Variants in PTPRD observed in about 807,000 individuals in gnomAD.
The protein encoded by PTPRD is protein tyrosine phosphatase receptor type D, also known as receptor-type tyrosine-protein phosphatase delta.
PTPRD carries 34 observed loss-of-function variants against 214.5 expected under a neutral mutation model. That is an observed-to-expected ratio of 0.16 (90% CI 0.12 to 0.21). The LOEUF (loss-of-function observed/expected upper bound fraction) is 0.21, where lower values mean the gene tolerates loss of function less well. Among genes scored for constraint, PTPRD ranks in the 10% least tolerant of loss-of-function variants. The pLI is 1.00. For missense variants in PTPRD, 2,545 were observed against 2,398.7 expected, an observed-to-expected ratio of 1.06 and a Z score of -1.27; for synonymous variants, 1,128 against 845.7, an observed-to-expected ratio of 1.33 and a Z score of -5.79.
intron 2 of PTPRD, among the ~76,000 whole-genome samples, chr9:10,523,601 G>GTATGTATATATATATATATATATATA (rs2053139062): frequency 1.6e-5 from 1 of 64,352 alleles, no homozygotes; most frequent in Non-Finnish European, 3.2e-5. Flanking sequence ...ATATTTATCT[G>GTATGTATATATATATATATATATATA]TATATATATA....
intron 39 of PTPRD, among the ~76,000 whole-genome samples, chr9:8,372,680 T>A (rs1449451474): frequency 1.3e-5 from 2 of 152,038 alleles, no homozygotes; most frequent in African/African-American, 4.8e-5. Context: ...TCTGGTAGAC[T>A]CTGTCCTCCT....
chr9:8,652,004 G>C (rs1390808985), intron 12 of PTPRD, among the ~76,000 whole-genome samples: 4 of 152,136 alleles, frequency 2.6e-5, no homozygotes, highest in Non-Finnish European at 4.4e-5. Context: ...CGCTTTTCTA[G>C]AGAAACACAT....
chr9:8,620,916 A>C (rs1228881675), intron 14 of PTPRD, among the ~76,000 whole-genome samples: 1 of 152,040 alleles, frequency 6.6e-6, no homozygotes. Flanking sequence ...AGTACAATGC[A>C]GTTCTTAGAT....
chr9:10,511,852 CTGTG>C (rs201439443), intron 2 of PTPRD, among the ~76,000 whole-genome samples: 2,277 of 107,126 alleles, frequency 0.021, 42 homozygotes, highest in African/African-American at 0.049. Flanking sequence ...ATATACATAT[CTGTG>C]TGTGTGTGTG....
chr9:10,471,853 A>G (rs1269968825), intron 2 of PTPRD, among the ~76,000 whole-genome samples: 3 of 152,070 alleles, frequency 2.0e-5, no homozygotes, highest in Non-Finnish European at 4.4e-5. Context: ...TTATACCTAG[A>G]CCATAATTAT....
chr9:9,272,927 T>C (rs2132938284), intron 9 of PTPRD, among the ~76,000 whole-genome samples: 1 of 151,414 alleles, frequency 6.6e-6, no homozygotes, highest in Non-Finnish European at 1.5e-5. Context: ...CTTGAGGTAA[T>C]TTATAGTTTC....
At chr9:10,214,030 T>G (rs907725412) in intron 3 of PTPRD, among the ~76,000 whole-genome samples, 2 of 152,080 alleles carry the variant, frequency 1.3e-5, no homozygotes, top group Non-Finnish European at 2.9e-5. Context: ...TAAAGGCATA[T>G]CTTCATCAAA....
chr9:8,337,734 G>A (rs1266433190), intron 43 of PTPRD, among the ~76,000 whole-genome samples: 4 of 151,996 alleles, frequency 2.6e-5, no homozygotes, highest in Non-Finnish European at 5.9e-5. Flanking sequence ...AGTTGTGCAT[G>A]TGTGGAATAG....
At chr9:8,513,247 C>T (rs570534347) in intron 21 of PTPRD, among the ~76,000 whole-genome samples, 51 of 152,128 alleles carry the variant, frequency 3.4e-4, no homozygotes, top group African/African-American at 1.2e-3. Context: ...CTAATGTTCA[C>T]AATCAAGGAG....
At chr9:9,900,538 G>C (rs539052744) in intron 5 of PTPRD, among the ~76,000 whole-genome samples, 1 of 152,138 alleles carries the variant, frequency 6.6e-6, no homozygotes, top group East Asian at 1.9e-4. Flanking sequence ...AAGTCTCTAA[G>C]AAGTTCTAAA....
intron 39 of PTPRD, among the ~76,000 whole-genome samples, chr9:8,363,412 A>G (rs2078993194): frequency 6.6e-6 from 1 of 152,178 alleles, no homozygotes; most frequent in South Asian, 2.1e-4. Flanking sequence ...TTCTATACAC[A>G]TCTAGGGGTA....
chr9:9,582,998 A>G (rs1563851847), intron 7 of PTPRD, among the ~76,000 whole-genome samples: 1 of 152,086 alleles, frequency 6.6e-6, no homozygotes, highest in African/African-American at 2.4e-5. Context: ...ATAACAAAAT[A>G]TGTGATTAAA....
intron 12 of PTPRD, among the ~76,000 whole-genome samples, chr9:8,642,443 G>C (rs2096596972): frequency 6.6e-6 from 1 of 152,156 alleles, no homozygotes; most frequent in Admixed American, 6.5e-5. Flanking sequence ...TGTTAAATGA[G>C]ACAGGGAGAG....
At chr9:10,289,827 A>C (rs1204502607) in intron 3 of PTPRD, among the ~76,000 whole-genome samples, 2 of 152,206 alleles carry the variant, frequency 1.3e-5, no homozygotes, top group African/African-American at 4.8e-5. Flanking sequence ...AATTGTAATA[A>C]AGAATAGAAT....
chr9:8,809,741 G>A (rs1197445445), intron 11 of PTPRD, among the ~76,000 whole-genome samples: 2 of 152,246 alleles, frequency 1.3e-5, no homozygotes, highest in East Asian at 1.9e-4. Context: ...CACTGCTGTC[G>A]AGAGCCAGTG....
At chr9:9,688,068 G>T (rs2097197081) in intron 7 of PTPRD, among the ~76,000 whole-genome samples, 1 of 151,804 alleles carries the variant, frequency 6.6e-6, no homozygotes, top group African/African-American at 2.4e-5. Context: ...GCCTTGTGAA[G>T]AAGTTGCCTG....
At chr9:9,239,676 G>A (rs2099969339) in intron 9 of PTPRD, among the ~76,000 whole-genome samples, 1 of 152,144 alleles carries the variant, frequency 6.6e-6, no homozygotes, top group African/African-American at 2.4e-5. Flanking sequence ...GATGGCCATG[G>A]TACAGCCTGA....
chr9:9,271,512 A>G (rs180842781), intron 9 of PTPRD, among the ~76,000 whole-genome samples: 75 of 151,538 alleles, frequency 4.9e-4, no homozygotes, highest in Admixed American at 2.9e-3. Context: ...CATTTAAAAC[A>G]TGCTATGAAT....
intron 4 of PTPRD, among the ~76,000 whole-genome samples, chr9:10,003,480 A>G (rs2096386218): frequency 6.6e-6 from 1 of 151,754 alleles, no homozygotes; most frequent in Non-Finnish European, 1.5e-5. Context: ...TATAAGAACA[A>G]TTGTGTGTTC....
Sources: gnomAD v4.1 joint callset for allele counts (sites outside exome capture counted in the v4.1 genomes callset) on GRCh38, gnomAD v4.1.1 for gene constraint, MANE v1.5 for transcripts, NCBI Gene and HGNC (gene_info 2026-07-23, HGNC 2026-07-21) for gene names.